The following GRM7 variants were observed in gnomAD, a reference collection of about 807,000 sequenced individuals.
GRM7 encodes the protein metabotropic glutamate receptor 7.
A neutral mutation model predicts 84.5 loss-of-function variants in GRM7; 35 were observed. The observed-to-expected ratio is 0.41, with a 90% confidence interval of 0.32 to 0.55. The LOEUF (loss-of-function observed/expected upper bound fraction) is 0.55, where lower values mean the gene tolerates loss of function less well. Among genes scored for constraint, GRM7 ranks in the 20% least tolerant of loss-of-function variants. The pLI is 0.19. For missense variants in GRM7, 1,003 were observed against 1,194.6 expected, an observed-to-expected ratio of 0.84 and a Z score of 2.36; for synonymous variants, 487 against 455.1, an observed-to-expected ratio of 1.07 and a Z score of -0.89.
chr3:7,281,429 A>C (rs1699247890), intron 2 of GRM7, among the ~76,000 whole-genome samples: 1 of 152,102 alleles, frequency 6.6e-6, no homozygotes, highest in South Asian at 2.1e-4. Context: ...GATCTCAATA[A>C]ATTGTGAATT....
At chr3:7,409,168 C>G (rs1307138057) in intron 4 of GRM7, among the ~76,000 whole-genome samples, 2 of 152,062 alleles carry the variant, frequency 1.3e-5, no homozygotes, top group South Asian at 4.1e-4. Context: ...TTTTCACTTC[C>G]TTCCCCCAAA....
intron 1 of GRM7, among the ~76,000 whole-genome samples, chr3:6,983,803 G>GTT (rs5846479): frequency 1.3e-4 from 19 of 145,880 alleles, no homozygotes; most frequent in Non-Finnish European, 1.2e-4. Context: ...CTTTTGTTTT[G>GTT]TTTTTTTTTT....
At chr3:7,317,141 G>A (rs1311709011) in intron 4 of GRM7, among the ~76,000 whole-genome samples, 1 of 152,072 alleles carries the variant, frequency 6.6e-6, no homozygotes, top group African/African-American at 2.4e-5. Context: ...CTACATCATT[G>A]GTGATTTTTT....
Position 7,050,789 on chromosome 3 carries a change from A to T in GRM7, c.520-95663A>T, listed in dbSNP as rs74669695. Among the ~76,000 whole-genome samples the T allele has an allele frequency of 5.8e-3, 882 of 151,986 alleles. 21 individuals carry two copies. The highest frequency in any genetic ancestry group is 0.043 in the East Asian group (222 of 5,142). On this transcript the variant is annotated intron_variant, in intron 1 of 9. Transcript: ENST00000357716. ...AGGATTTGGAAATGCACATATTGACAAGTACTTGCAATGTCTTGATGTAAT... is the reference window on the plus strand; with the variant it reads ...AGGATTTGGAAATGCACATATTGACTAGTACTTGCAATGTCTTGATGTAAT...
At chr3:7,671,150 G>C (rs1699904851) in intron 8 of GRM7, among the ~76,000 whole-genome samples, 1 of 152,158 alleles carries the variant, frequency 6.6e-6, no homozygotes, top group Non-Finnish European at 1.5e-5. Context: ...AGGAGTCAGA[G>C]AGCTGCTAGG....
chr3:7,724,052 A>G (rs1702039500), intron 9 of GRM7, among the ~76,000 whole-genome samples: 1 of 152,152 alleles, frequency 6.6e-6, no homozygotes. Context: ...ACGTCCACAG[A>G]GAATAGTGAA....
chr3:7,633,282 C>G (rs1697936577), intron 8 of GRM7, among the ~76,000 whole-genome samples: 1 of 152,202 alleles, frequency 6.6e-6, no homozygotes, highest in Non-Finnish European at 1.5e-5. Flanking sequence ...CTAACTCATT[C>G]CATGCTCATA....
At chr3:6,976,388 C>G (rs918756300) in intron 1 of GRM7, among the ~76,000 whole-genome samples, 1 of 151,984 alleles carries the variant, frequency 6.6e-6, no homozygotes, top group Non-Finnish European at 1.5e-5. Flanking sequence ...AATCAGACAC[C>G]CATGTGAAAG....
intron 8 of GRM7, among the ~76,000 whole-genome samples, chr3:7,610,946 A>G (rs972963211): frequency 1.3e-5 from 2 of 152,146 alleles, no homozygotes; most frequent in African/African-American, 4.8e-5. Flanking sequence ...TTAATGTATA[A>G]TATTTTTTTT....
rs534859846 is a variant in GRM7, at chr3:7,610,636, G to A, written c.2451+31279G>A. Among the ~76,000 whole-genome samples the A allele has an allele frequency of 6.9e-4, 105 of 152,234 alleles. 1 individual carries two copies. Among genetic ancestry groups the A allele is most frequent in the African/African-American group, 2.3e-3 (95 of 41,550 alleles). On this transcript the variant is annotated intron_variant, in intron 8 of 9. Coordinates refer to ENST00000357716, the MANE Select transcript of GRM7 (RefSeq NM_000844.4). ...AAAAACATCAGCTATTGCAAAGGTG[G>A]CAAAATGGATTAGGTATGAGGTATA...
At chr3:7,183,470 T>C (rs1317768650) in intron 2 of GRM7, among the ~76,000 whole-genome samples, 1 of 151,800 alleles carries the variant, frequency 6.6e-6, no homozygotes, top group Non-Finnish European at 1.5e-5. Flanking sequence ...CTACTAAAAA[T>C]ACAAAAACTA....
At chr3:7,241,504 G>T (rs1474949316) in intron 2 of GRM7, among the ~76,000 whole-genome samples, 2 of 151,914 alleles carry the variant, frequency 1.3e-5, no homozygotes, top group African/African-American at 4.8e-5. Context: ...ATCAATCTGA[G>T]GTCACGCCAG....
At chr3:6,878,206 A>T (rs963291015) in intron 1 of GRM7, among the ~76,000 whole-genome samples, 7 of 152,226 alleles carry the variant, frequency 4.6e-5, no homozygotes, top group Non-Finnish European at 8.8e-5. Context: ...TGAAAAATCA[A>T]TATTTAATTG....
At chr3:7,607,025 A>G (rs1696609336) in intron 8 of GRM7, 1 of 152,200 alleles carries the variant, frequency 6.6e-6, no homozygotes, top group African/African-American at 2.4e-5. Flanking sequence ...CTTTGCTAGT[A>G]TCTTAACAGG....
intron 5 of GRM7, among the ~76,000 whole-genome samples, chr3:7,428,744 C>T (rs532071457): frequency 5.3e-4 from 80 of 152,190 alleles, no homozygotes; most frequent in African/African-American, 1.7e-3. Flanking sequence ...GCAGAACCCC[C>T]AATTCTGGTA....
At chr3:7,514,376 ACT>A (rs897313580) in intron 7 of GRM7, among the ~76,000 whole-genome samples, 4 of 152,132 alleles carry the variant, frequency 2.6e-5, no homozygotes, top group African/African-American at 9.7e-5. Context: ...TCCTGACAAG[ACT>A]CTCTGGGATA....
intron 2 of GRM7, among the ~76,000 whole-genome samples, chr3:7,149,561 C>T (rs1356348956): frequency 6.6e-6 from 1 of 152,032 alleles, no homozygotes; most frequent in African/African-American, 2.4e-5. Flanking sequence ...AAAAAGTCAC[C>T]CTCACAAAAG....
At chr3:7,670,449 C>T (rs1699870327) in intron 8 of GRM7, among the ~76,000 whole-genome samples, 1 of 152,198 alleles carries the variant, frequency 6.6e-6, no homozygotes, top group Admixed American at 6.5e-5. Flanking sequence ...GAGATAAGAA[C>T]ATACTTTGTT....
intron 8 of GRM7, among the ~76,000 whole-genome samples, chr3:7,658,401 A>AT (rs536904260): frequency 1.1e-4 from 16 of 152,258 alleles, no homozygotes; most frequent in African/African-American, 3.6e-4. Context: ...TTCCATTGCC[A>AT]TTTTTTGGTA....
Sources: allele counts gnomAD v4.1 joint callset (sites outside exome capture counted in the v4.1 genomes callset), GRCh38; gene constraint gnomAD v4.1.1; transcripts MANE v1.5; gene names NCBI Gene and HGNC (gene_info 2026-07-23, HGNC 2026-07-21).